CFAP61: variants seen among roughly 807,000 people sequenced by gnomAD.
The protein encoded by CFAP61 is cilia and flagella associated protein 61.
CFAP61 carries 107 observed loss-of-function variants against 135.6 expected under a neutral mutation model. The observed-to-expected ratio is 0.79, with a 90% CI of 0.67 to 0.93. The LOEUF is 0.93. CFAP61 is among the 40% of genes least tolerant of loss of function. The probability of loss-of-function intolerance (pLI) is 0.00; values close to 1 mark genes in which losing one functional copy is unlikely to be tolerated. For missense variants in CFAP61, 1,507 were observed against 1,556.2 expected (o/e 0.97, Z 0.53); for synonymous variants, 575 against 578.5 (o/e 0.99, Z 0.09).
chr20:20,329,191 G>A (rs569054221), intron 25 of CFAP61, among the ~76,000 whole-genome samples: 2 of 152,086 alleles, frequency 1.3e-5, no homozygotes, highest in South Asian at 2.1e-4. Context: ...GCCATCAACC[G>A]TCTTGTCATC....
chr20:20,207,653 A>G (rs990772698), intron 17 of CFAP61, among the ~76,000 whole-genome samples: 2 of 152,246 alleles, frequency 1.3e-5, no homozygotes, highest in Non-Finnish European at 2.9e-5. Flanking sequence ...ATAAAATGAC[A>G]AAGAGGACAA....
At chr20:20,169,558 A>G (rs574967843) in intron 13 of CFAP61, 98 bp downstream of exon 13, 19 of 1,086,654 alleles carry the variant, frequency 1.7e-5, no homozygotes, top group Non-Finnish European at 1.3e-5. Flanking sequence ...AATTTATTTT[A>G]AATATCATCT....
chr20:20,356,087 G>A (rs1286560039), intron 26 of CFAP61, among the ~76,000 whole-genome samples: 3 of 99,452 alleles, frequency 3.0e-5, no homozygotes, highest in African/African-American at 1.1e-4. Context: ...GAGCAGAGAT[G>A]GTCACACTGT....
At chr20:20,144,656 G>A (rs1009159519) in intron 9 of CFAP61, among the ~76,000 whole-genome samples, 1 of 151,594 alleles carries the variant, frequency 6.6e-6, no homozygotes, top group African/African-American at 2.4e-5. Context: ...TGATAAATTT[G>A]ATGAAAACAA....
At chr20:20,203,332 A>G (rs553985038) in intron 17 of CFAP61, among the ~76,000 whole-genome samples, 39 of 152,318 alleles carry the variant, frequency 2.6e-4, no homozygotes, top group African/African-American at 8.9e-4. Flanking sequence ...CATAGACCTG[A>G]AAGATTCTTT....
intron 1 of CFAP61, 134 bp from the exon 2 acceptor site, chr20:20,056,484 A>T: frequency 1.6e-6 from 1 of 640,822 alleles, no homozygotes; most frequent in Non-Finnish European, 2.7e-6. Context: ...GACAGTTGTC[A>T]CAGACTACAC....
At chr20:20,124,095 A>G (rs540928374) in intron 8 of CFAP61, among the ~76,000 whole-genome samples, 1 of 148,652 alleles carries the variant, frequency 6.7e-6, no homozygotes, top group African/African-American at 2.5e-5. Flanking sequence ...TCTTGTATCC[A>G]GAAGGTTTGC....
chr20:20,246,145 C>A lies in CFAP61; in HGVS notation c.2089C>A (p.Leu697Met). The A allele has an allele frequency of 6.2e-7, 1 of 1,612,712 alleles. No homozygotes were observed. The highest frequency in any genetic ancestry group is 1.1e-5 in the South Asian group (1 of 91,042). Residue 697 changes from leucine to methionine, a missense_variant, in exon 19 of 27, where the codon CTG (leucine) becomes ATG (methionine). Transcript: ENST00000245957. ...TCACATGAAGTTTAATAATCTTACC[C>A]TGATTTCAACTCATGGACTCCCAGG... ...CSHMKFNNLT[L>M]ISTHGLPGKK...
intron 18 of CFAP61, among the ~76,000 whole-genome samples, chr20:20,240,186 A>G (rs998378287): frequency 6.6e-6 from 1 of 152,236 alleles, no homozygotes; most frequent in Middle Eastern, 3.2e-3. Context: ...TTTAGAGCTC[A>G]GAAGAATCAC....
chr20:20,341,888 G>T lies in CFAP61; in HGVS notation c.3480G>T (p.Arg1160Ser), dbSNP rs201933591. ...TCCACGATCGTTTTATTGATCTCAG[G>T]AAAGAGTTACGCCAAATCTTAGCCT... Reference protein sequence around the residue: ...ALFHDRFIDLRKELRQILASK... With the variant: ...ALFHDRFIDLSKELRQILASK... The change falls in exon 26 of 27, where the codon AGG (arginine) becomes AGT (serine). Residue 1160 changes from arginine (R) to serine (S), a missense_variant. Coordinates refer to ENST00000245957, the MANE Select transcript of CFAP61 (RefSeq NM_015585.4). 1.5e-5 allele frequency: 24 copies of T among 1,613,376 alleles called. No individual in the cohort carries two copies. Among genetic ancestry groups the T allele is most frequent in the Middle Eastern group, 1.7e-4 (1 of 5,722 alleles).
In CFAP61 at chr20:20,270,680, CT is replaced by C. The variant is rs74180986; in HGVS notation, c.2504-6469del. On this transcript the variant is annotated intron_variant, in intron 21 of 26. Transcript: ENST00000245957. ...ACTTCTTGCATCTTGGTGCATTATT[CT>C]TTTTTTTTTTTTTTTTAAGACAGAG... Among the ~76,000 whole-genome samples the C allele has an allele frequency of 3.7e-3, 535 of 145,978 alleles. 2 individuals are homozygous for C. Among genetic ancestry groups the C allele is most frequent in the Admixed American group, 8.0e-3 (117 of 14,650 alleles).
intron 7 of CFAP61, among the ~76,000 whole-genome samples, chr20:20,091,653 G>A (rs1294440640): frequency 1.3e-5 from 2 of 152,044 alleles, no homozygotes; most frequent in Non-Finnish European, 2.9e-5. Context: ...TCAAAGCCAA[G>A]TAATTATGAT....
At chr20:20,269,966 A>G (rs1300950925) in intron 21 of CFAP61, among the ~76,000 whole-genome samples, 1 of 152,076 alleles carries the variant, frequency 6.6e-6, no homozygotes, top group Non-Finnish European at 1.5e-5. Context: ...AAAATGATAA[A>G]CCCTGTCTCA....
intron 21 of CFAP61, among the ~76,000 whole-genome samples, chr20:20,269,012 T>C (rs1192484911): frequency 6.6e-6 from 1 of 151,274 alleles, no homozygotes; most frequent in East Asian, 1.9e-4. Context: ...ATTCTTCCCT[T>C]TTTATTCAGC....
chr20:20,223,162 T>G (rs996917150), intron 17 of CFAP61, among the ~76,000 whole-genome samples: 2 of 152,166 alleles, frequency 1.3e-5, no homozygotes, highest in African/African-American at 4.8e-5. Flanking sequence ...GGAGAGAGGA[T>G]CTGCAATTTT....
At chr20:20,175,217 T>G (rs2146835532) in intron 13 of CFAP61, among the ~76,000 whole-genome samples, 1 of 152,346 alleles carries the variant, frequency 6.6e-6, no homozygotes, top group Middle Eastern at 3.4e-3. Context: ...CCGTGGAATA[T>G]TCCTCCTTCT....
At chr20:20,124,044 T>G (rs960249394) in intron 8 of CFAP61, among the ~76,000 whole-genome samples, 10 of 149,754 alleles carry the variant, frequency 6.7e-5, no homozygotes, top group Non-Finnish European at 1.5e-4. Flanking sequence ...TCCACTTAGT[T>G]GCTGTTGGTG....
rs773211739 is a variant in CFAP61, at chr20:20,159,355, T to G, written c.952-15T>G. The G allele has an allele frequency of 6.2e-7, 1 of 1,613,200 alleles. No homozygotes were observed. Among genetic ancestry groups the G allele is most frequent in the South Asian group, 1.1e-5 (1 of 91,056 alleles). ...GTGTCGATTAATTTTCATGTTTTGC[T>G]GTCATCATTTCCAGGGAAATATTGC... On this transcript the variant is annotated splice_polypyrimidine_tract_variant and intron_variant, in intron 9 of 26. Coordinates refer to ENST00000245957, the MANE Select transcript of CFAP61 (RefSeq NM_015585.4).
At chr20:20,194,231 CAT>C (rs1027498751) in intron 15 of CFAP61, among the ~76,000 whole-genome samples, 2 of 152,080 alleles carry the variant, frequency 1.3e-5, no homozygotes, top group Non-Finnish European at 2.9e-5. Flanking sequence ...TGTCTCTAAA[CAT>C]ATATATGTTA....
Sources: allele counts gnomAD v4.1 joint callset (sites outside exome capture counted in the v4.1 genomes callset), GRCh38; gene constraint gnomAD v4.1.1; transcripts MANE v1.5; gene names NCBI Gene and HGNC (gene_info 2026-07-23, HGNC 2026-07-21).